GABBR1: variants seen among roughly 807,000 people sequenced by gnomAD.
GABBR1 encodes GABA-B receptor, R1 subunit.
In GABBR1, 35 loss-of-function variants were observed where a neutral mutation model predicts 117.7. The ratio of observed to expected loss-of-function variants is 0.30; its 90% CI spans 0.23 to 0.39. GABBR1 has a LOEUF of 0.39. GABBR1 is among the 10% of genes least tolerant of loss of function. The pLI, the probability that GABBR1 is intolerant of heterozygous loss-of-function variation, is 1.00. For synonymous variants in GABBR1, 442 were observed against 486.6 expected (o/e 0.91, Z 1.21); for missense variants, 709 against 1,241.8 (o/e 0.57, Z 6.45).
rs1562070127 is a variant in GABBR1, at chr6:29,603,024, A to G, written c.*519T>C. The G allele has an allele frequency of 2.2e-6, 1 of 456,910 alleles. No individual in the cohort carries two copies. Among genetic ancestry groups the G allele is most frequent in the Non-Finnish European group, 4.4e-6 (1 of 227,038 alleles). 28.3% of individuals were successfully genotyped at this position (456,910 alleles called of 1,614,324 possible). On this transcript the variant is annotated 3_prime_UTR_variant, in exon 23 of 23. Transcript: ENST00000377034. ...CTTGGCGAAAAGAATGAGCTCCCAA[A>G]GGAAGCAAAATTCAGGGGGAGCCAC...
At position 29,606,850 on chromosome 6, in the gene GABBR1, G is replaced by A; in HGVS notation, c.2217+47C>T. 3 of 1,529,694 alleles carry A rather than the reference G, an allele frequency of 2.0e-6. No homozygotes were observed. Among genetic ancestry groups the A allele is most frequent in the Non-Finnish European group, 2.7e-6 (3 of 1,104,736 alleles). The allele number at this position is 1,529,694 out of a possible 1,614,324, so 94.8% of individuals were successfully genotyped here. ...CAGCCCCAGGGCCCTGATGGCCACT[G>A]AGCCCTGCTCATTCTCCTGACCATA... On this transcript the variant is annotated intron_variant, in intron 18 of 22. Transcript: ENST00000377034. This position sits in a 1 kb window ranked among gnomAD's most constrained non-coding sequence, Gnocchi z 4.5.
Position 29,603,660 on chromosome 6 carries a change from G to A in GABBR1, c.2769C>T (p.Arg923=). The change falls in exon 23 of 23, where the codon CGC becomes CGT. Residue 923 remains arginine (R), a synonymous_variant. Transcript: ENST00000377034. The part of the protein sequence containing the change: ...RHQLQSRQQL[R]SRRHPPTPPE... The stretch of plus-strand genomic sequence containing the variant: ...GGGGTGTCGGTGGGTGGCGCCGGGA[G>A]CGGAGCTGCTGCCGAGACTGGAGTT... 6.6e-7 allele frequency: 1 copy of A among 1,517,554 alleles called. No individual in the cohort carries two copies. The highest frequency in any genetic ancestry group is 2.3e-5 in the East Asian group (1 of 43,774). The allele number at this position is 1,517,554 out of a possible 1,614,324, so 94.0% of individuals were successfully genotyped here. A position where few individuals can be genotyped will look rare whatever the true frequency, so the allele number is the denominator to read the frequency against.
At chr6:29,624,641 T>TG (rs1315806851) in intron 6 of GABBR1, among the ~76,000 whole-genome samples, 1 of 151,668 alleles carries the variant, frequency 6.6e-6, no homozygotes, top group Non-Finnish European at 1.5e-5. Context: ...AAAAAGACAC[T>TG]GGGGGGTGGA....
Position 29,623,935 on chromosome 6 carries a change from G to A in GABBR1, c.747C>T (p.Val249=). ...KIILMPGCSS[V]STLVAEAARM... ...TAGCAGCCTCAGCCACCAGCGTGGA[G>A]ACAGAGCTGCAGCCAGGCATAAGGA... is the stretch of plus-strand genomic sequence containing the variant. Residue 249 remains valine (V), a synonymous_variant, in exon 7 of 23, where the codon GTC becomes GTT. Coordinates refer to ENST00000377034, the MANE Select transcript of GABBR1 (RefSeq NM_001470.4). This position sits in a 1 kb window ranked among gnomAD's most constrained non-coding sequence, Gnocchi z 6.2. The A allele has an allele frequency of 6.2e-7, 1 of 1,613,016 alleles. No homozygotes were observed. Among genetic ancestry groups the A allele is most frequent in the East Asian group, 2.2e-5 (1 of 44,864 alleles).
At position 29,622,852 on chromosome 6, in the gene GABBR1, CCT is replaced by C. The variant is rs141467090; in HGVS notation, c.963+451_963+452del. Among the ~76,000 whole-genome samples the C allele has an allele frequency of 2.1e-4, 32 of 149,820 alleles. No individual in the cohort carries two copies. Among genetic ancestry groups the C allele is most frequent in the African/African-American group, 4.6e-4 (19 of 41,032 alleles). ...GCCCCTCTCTCTCCTCTCCCTCATT[CCT>C]CTCTCTCTCTCTCTTTCCTCTCCCT... On this transcript the variant is annotated intron_variant, in intron 8 of 22. Coordinates refer to ENST00000377034, the MANE Select transcript of GABBR1 (RefSeq NM_001470.4). This position sits in a 1 kb window ranked among gnomAD's most constrained non-coding sequence, Gnocchi z 4.6.
chr6:29,611,192 G>T lies in GABBR1; in HGVS notation c.1631-191C>A. ...ACATGACTTAAAAGCAATATAAGGT[G>T]GTTCCCAAGACAACTCAAATAAATA... On this transcript the variant is annotated intron_variant, in intron 13 of 22. Coordinates refer to ENST00000377034, the MANE Select transcript of GABBR1 (RefSeq NM_001470.4). This position sits in a 1 kb window ranked among gnomAD's most constrained non-coding sequence, Gnocchi z 4.6. 1 of 535,220 alleles carries T rather than the reference G, an allele frequency of 1.9e-6. No individual in the cohort carries two copies. Among genetic ancestry groups the T allele is most frequent in the South Asian group, 2.9e-5 (1 of 34,766 alleles). 33.2% of individuals were successfully genotyped at this position (535,220 alleles called of 1,614,324 possible).
chr6:29,608,766 G>A, intron 15 of GABBR1, 33 bp from the exon 16 acceptor site: 1 of 1,605,470 alleles, frequency 6.2e-7, no homozygotes, highest in Non-Finnish European at 8.5e-7. Flanking sequence ...GAGAGGGAGA[G>A]AGAATTACCC....
rs181537826 is a variant in GABBR1 at position 29,629,473 on chromosome 6, A to G, written c.476-366T>C. ...TTGCTGTTAAAATCTTATTTCTGCA[A>G]TTTTTACAAAAGCCTGTTACCATAT... On this transcript the variant is annotated intron_variant, in intron 4 of 22. Coordinates refer to ENST00000377034, the MANE Select transcript of GABBR1 (RefSeq NM_001470.4). Among the ~76,000 whole-genome samples, 913 of 152,258 alleles carry G rather than the reference A, an allele frequency of 6.0e-3. 13 individuals carry two copies. Among genetic ancestry groups the G allele is most frequent in the African/African-American group, 0.019 (792 of 41,552 alleles).
At position 29,629,094 on chromosome 6, in the gene GABBR1, T is replaced by G. The variant is rs760610759; in HGVS notation, c.489A>C (p.Pro163=). 1 of 1,612,890 alleles carries G rather than the reference T, an allele frequency of 6.2e-7. No homozygotes were observed. ...AAGGGTTTCTCATCTCACCTGAGTG[T>G]GGCGTTCGATTCACTGGCAGCAGGA... ...PKPHCQVNRT[P]HSERRAVYIG... The change falls in exon 5 of 23, where the codon CCA becomes CCC. Residue 163 remains proline, a synonymous_variant. Transcript: ENST00000377034.
Position 29,606,828 on chromosome 6 carries a change from C to G in GABBR1, c.2217+69G>C. The G allele has an allele frequency of 7.7e-7, 1 of 1,304,694 alleles. No homozygotes were observed. The highest frequency in any genetic ancestry group is 1.1e-6 in the Non-Finnish European group (1 of 906,160). 80.8% of individuals were successfully genotyped at this position (1,304,694 alleles called of 1,614,324 possible). A position where few individuals can be genotyped will look rare whatever the true frequency, so the allele number is the denominator to read the frequency against. On this transcript the variant is annotated intron_variant, in intron 18 of 22. Transcript: ENST00000377034. The surrounding 1 kb of genome is among the most constrained non-coding windows in gnomAD (Gnocchi z 4.5). ...GCTTCATCCCTCAAGACACACACAG[C>G]CCCAGGGCCCTGATGGCCACTGAGC... is the stretch of plus-strand genomic sequence containing the variant.
chr6:29,632,483 G>T lies in GABBR1; in HGVS notation c.1-98C>A. Reference sequence around the variant, plus strand: ...TCTTGCCGGTTGCCTCGCAGGCTCCGACCGGGCTCAGCCTGGGGACCAAGA... The same window carrying T: ...TCTTGCCGGTTGCCTCGCAGGCTCCTACCGGGCTCAGCCTGGGGACCAAGA... On this transcript the variant is annotated intron_variant, in intron 1 of 22. Transcript: ENST00000377034. This position sits in a 1 kb window ranked among gnomAD's most constrained non-coding sequence, Gnocchi z 5.8. 9.1e-7 allele frequency: 1 copy of T among 1,102,586 alleles called. No homozygotes were observed. The highest frequency in any genetic ancestry group is 1.2e-6 in the Non-Finnish European group (1 of 827,078). The allele number at this position is 1,102,586 out of a possible 1,614,324, so 68.3% of individuals were successfully genotyped here. A position where few individuals can be genotyped will look rare whatever the true frequency, so the allele number is the denominator to read the frequency against.
At position 29,605,475 on chromosome 6, in the gene GABBR1, C is replaced by T; in HGVS notation, c.2439+94G>A. Reference sequence around the variant, plus strand: ...CAAACTTTTTAAGACTTCTAAGCAACCGATCCCAGATCTAGCATTGATTCT... The same window carrying T: ...CAAACTTTTTAAGACTTCTAAGCAATCGATCCCAGATCTAGCATTGATTCT... On this transcript the variant is annotated intron_variant, in intron 20 of 22. Transcript: ENST00000377034. This position sits in a 1 kb window ranked among gnomAD's most constrained non-coding sequence, Gnocchi z 4.2. 1 of 1,467,070 alleles carries T rather than the reference C, an allele frequency of 6.8e-7. No individual in the cohort carries two copies. The highest frequency in any genetic ancestry group is 9.3e-7 in the Non-Finnish European group (1 of 1,078,578). The allele number at this position is 1,467,070 out of a possible 1,614,324, so 90.9% of individuals were successfully genotyped here.
intron 6 of GABBR1, among the ~76,000 whole-genome samples, chr6:29,625,743 G>A (rs749150824): frequency 1.3e-5 from 2 of 152,094 alleles, no homozygotes; most frequent in Non-Finnish European, 1.5e-5. Context: ...CTGTCATGGT[G>A]GATGAGTTTG....
Position 29,632,465 on chromosome 6 carries a change from G to T in GABBR1, c.1-80C>A. ...CCCGGAGACTACTCGACCTCTTGCC[G>T]GTTGCCTCGCAGGCTCCGACCGGGC... is the stretch of plus-strand genomic sequence containing the variant. On this transcript the variant is annotated intron_variant, in intron 1 of 22. Coordinates refer to ENST00000377034, the MANE Select transcript of GABBR1 (RefSeq NM_001470.4). This position sits in a 1 kb window ranked among gnomAD's most constrained non-coding sequence, Gnocchi z 5.8. 1.7e-6 allele frequency: 2 copies of T among 1,186,664 alleles called. No individual in the cohort carries two copies. The highest frequency in any genetic ancestry group is 1.1e-6 in the Non-Finnish European group (1 of 902,472). The allele number at this position is 1,186,664 out of a possible 1,614,324, so 73.5% of individuals were successfully genotyped here.
At position 29,608,745 on chromosome 6, in the gene GABBR1, G is replaced by A; in HGVS notation, c.1860-12C>T. On this transcript the variant is annotated splice_polypyrimidine_tract_variant and intron_variant, in intron 15 of 22. Coordinates refer to ENST00000377034, the MANE Select transcript of GABBR1 (RefSeq NM_001470.4). ...AGTTCTGGATATAACTAGGGCAGAG[G>A]TGGAGAGGGTGAGAGGGAGAGAGAA... 1 of 1,612,334 alleles carries A rather than the reference G, an allele frequency of 6.2e-7. No individual in the cohort carries two copies. The highest frequency in any genetic ancestry group is 1.3e-5 in the African/African-American group (1 of 75,038).
Position 29,623,595 on chromosome 6 carries a change from T to C in GABBR1, c.793-120A>G. ...TTCTCTTCCTTACTCTCTCCAAACC[T>C]CCCCACCTCTGGTCTGCCTAAGGAA... On this transcript the variant is annotated intron_variant, in intron 7 of 22. Transcript: ENST00000377034. The surrounding 1 kb of genome is among the most constrained non-coding windows in gnomAD (Gnocchi z 6.2). 1.0e-6 allele frequency: 1 copy of C among 972,838 alleles called. No homozygotes were observed. The highest frequency in any genetic ancestry group is 1.5e-6 in the Non-Finnish European group (1 of 662,868). 60.3% of individuals were successfully genotyped at this position (972,838 alleles called of 1,614,324 possible).
At position 29,632,639 on chromosome 6, in the gene GABBR1, C is replaced by G; in HGVS notation, c.-1+211G>C. ...CTCCCGGGACTCCACCTCTCACCAC[C>G]TCCTCTCCCCCGGCCCCCGCGGCTC... On this transcript the variant is annotated intron_variant, in intron 1 of 22. Coordinates refer to ENST00000377034, the MANE Select transcript of GABBR1 (RefSeq NM_001470.4). The surrounding 1 kb of genome is among the most constrained non-coding windows in gnomAD (Gnocchi z 5.8). 6.9e-7 allele frequency: 1 copy of G among 1,448,218 alleles called. No individual in the cohort carries two copies. The highest frequency in any genetic ancestry group is 9.2e-7 in the Non-Finnish European group (1 of 1,090,612). The allele number at this position is 1,448,218 out of a possible 1,614,324, so 89.7% of individuals were successfully genotyped here. A position where few individuals can be genotyped will look rare whatever the true frequency, so the allele number is the denominator to read the frequency against.
At position 29,631,679 on chromosome 6, in the gene GABBR1, G is replaced by A; in HGVS notation, c.86-80C>T. On this transcript the variant is annotated intron_variant, in intron 2 of 22. Coordinates refer to ENST00000377034, the MANE Select transcript of GABBR1 (RefSeq NM_001470.4). The surrounding 1 kb of genome is among the most constrained non-coding windows in gnomAD (Gnocchi z 5.9). ...GCAGGCTCCCCAGTGGGAGGAAGGG[G>A]AGAGTAGGGCGTGGTCTGTGGGCAG... 1 of 1,286,192 alleles carries A rather than the reference G, an allele frequency of 7.8e-7. No homozygotes were observed. The highest frequency in any genetic ancestry group is 1.1e-6 in the Non-Finnish European group (1 of 888,932). 79.7% of individuals were successfully genotyped at this position (1,286,192 alleles called of 1,614,324 possible). A position where few individuals can be genotyped will look rare whatever the true frequency, so the allele number is the denominator to read the frequency against.
At position 29,613,217 on chromosome 6, in the gene GABBR1, G is replaced by C. The variant is rs1166456181; in HGVS notation, c.1566+26C>G. 2.5e-6 allele frequency: 4 copies of C among 1,608,660 alleles called. No homozygotes were observed. The highest frequency in any genetic ancestry group is 2.7e-5 in the African/African-American group (2 of 74,850). ...TCTCTCTCAAGATTGGGAAGACAGG[G>C]GAGTATGAAGGAAGTTTTAACTCAC... On this transcript the variant is annotated intron_variant, in intron 12 of 22. Coordinates refer to ENST00000377034, the MANE Select transcript of GABBR1 (RefSeq NM_001470.4). The surrounding 1 kb of genome is among the most constrained non-coding windows in gnomAD (Gnocchi z 4.1).
Sources: allele counts gnomAD v4.1 joint callset (sites outside exome capture counted in the v4.1 genomes callset), GRCh38; gene constraint gnomAD v4.1.1; non-coding constraint Gnocchi (gnomAD v3.1); transcripts MANE v1.5; gene names NCBI Gene and HGNC (gene_info 2026-07-23, HGNC 2026-07-21).